DARS2: variants seen among roughly 807,000 people sequenced by gnomAD.
DARS2 encodes the protein aspartyl-tRNA synthetase 2, mitochondrial.
A neutral mutation model predicts 83.0 loss-of-function variants in DARS2; 63 were observed. That is an observed-to-expected ratio of 0.76 (90% CI 0.62 to 0.94). The LOEUF is 0.94. Among genes scored for constraint, DARS2 ranks in the 40% least tolerant of loss-of-function variants. DARS2 has a pLI of 0.00. For synonymous variants in DARS2, 250 were observed against 269.3 expected (o/e 0.93, Z 0.70); for missense variants, 675 against 774.4 (o/e 0.87, Z 1.52).
At chr1:173,856,323 C>T (rs1653859860) in intron 15 of DARS2, among the ~76,000 whole-genome samples, 1 of 152,150 alleles carries the variant, frequency 6.6e-6, no homozygotes, top group East Asian at 1.9e-4. Context: ...TGCTCTCTTC[C>T]CTTGGTCTCT....
intron 6 of DARS2, 97 bp downstream of exon 6, chr1:173,833,596 A>G: frequency 6.8e-7 from 1 of 1,478,760 alleles, no homozygotes; most frequent in South Asian, 1.1e-5. Flanking sequence ...TGAGGTCAAG[A>G]TGTTGCCAGA....
chr1:173,846,638 G>GA (rs1653447544), intron 12 of DARS2, among the ~76,000 whole-genome samples: 1 of 149,164 alleles, frequency 6.7e-6, no homozygotes, highest in South Asian at 2.1e-4. Context: ...ACAAAAAACA[G>GA]AAAAAAAATT....
rs572043394 is a variant in DARS2, at chr1:173,841,303, G to A, written c.1128+330G>A. On this transcript the variant is annotated intron_variant, in intron 11 of 16. Coordinates refer to ENST00000649689, the MANE Select transcript of DARS2 (RefSeq NM_018122.5). ...GGGGCAGGAGAATCGCTTGAACCTG[G>A]GAGGCAGAGGTTGCAGTGAGCTGAG... Among the ~76,000 whole-genome samples the A allele has an allele frequency of 2.0e-5, 3 of 151,988 alleles. No homozygotes were observed. In the South Asian group the frequency reaches 6.2e-4, roughly 32 times the overall value.
intron 11 of DARS2, among the ~76,000 whole-genome samples, chr1:173,842,089 C>G (rs1183558995): frequency 5.9e-5 from 9 of 152,028 alleles, no homozygotes. Context: ...TTGGGCTGAG[C>G]AAGTGCTGAC....
Position 173,858,093 on chromosome 1 carries a change from C to G in DARS2, c.*388C>G, listed in dbSNP as rs1257410846. On this transcript the variant is annotated 3_prime_UTR_variant, in exon 17 of 17. Coordinates refer to ENST00000649689, the MANE Select transcript of DARS2 (RefSeq NM_018122.5). ...GTAGGAAAATGCTTGCCCCTGTAAACTAGTGAGTTGATGGAGCATTTGCTT... is the reference window on the plus strand; with the variant it reads ...GTAGGAAAATGCTTGCCCCTGTAAAGTAGTGAGTTGATGGAGCATTTGCTT... The G allele has an allele frequency of 7.7e-6, 2 of 260,862 alleles. No individual in the cohort carries two copies. Among genetic ancestry groups the G allele is most frequent in the Admixed American group, 9.9e-5 (2 of 20,260 alleles). The allele number at this position is 260,862 out of a possible 1,614,324, so 16.2% of individuals were successfully genotyped here.
At chr1:173,847,297 C>G (rs994560615) in intron 12 of DARS2, among the ~76,000 whole-genome samples, 1 of 151,908 alleles carries the variant, frequency 6.6e-6, no homozygotes, top group Non-Finnish European at 1.5e-5. Context: ...AATTGGCAAC[C>G]CTTTATCTTC....
intron 1 of DARS2, among the ~76,000 whole-genome samples, chr1:173,825,757 C>T (rs895229542): frequency 9.9e-5 from 15 of 151,338 alleles, no homozygotes; most frequent in African/African-American, 3.6e-4. Flanking sequence ...GCGTGAGCCA[C>T]CGCGCCCGGC....
chr1:173,830,711 G>T lies in DARS2; in HGVS notation c.346G>T (p.Val116Leu), dbSNP rs1024515393. 6.2e-6 allele frequency: 10 copies of T among 1,614,074 alleles called. No individual in the cohort carries two copies. The highest frequency in any genetic ancestry group is 5.5e-5 in the South Asian group (5 of 91,084). Residue 116 changes from valine to leucine, a missense_variant, in exon 4 of 17, where the codon GTG (valine) becomes TTG (leucine). Physicochemically the swap from Val to Leu is conservative, Grantham distance 32. Coordinates refer to ENST00000649689, the MANE Select transcript of DARS2 (RefSeq NM_018122.5). ...ILCEAPVESV[V>L]QVSGTVISRP... ...ATGTGAAGCCCCTGTGGAATCTGTGGTGCAAGTGTCTGGTACAGTCATTTC... is the reference window on the plus strand; with the variant it reads ...ATGTGAAGCCCCTGTGGAATCTGTGTTGCAAGTGTCTGGTACAGTCATTTC...
At chr1:173,843,235 A>T (rs1653297318) in intron 11 of DARS2, among the ~76,000 whole-genome samples, 1 of 152,020 alleles carries the variant, frequency 6.6e-6, no homozygotes, top group Non-Finnish European at 1.5e-5. Context: ...TACAAAGAAA[A>T]TTTTTTCTTA....
chr1:173,824,861 A>C lies in DARS2; in HGVS notation c.-369A>C, dbSNP rs1196580896. On this transcript the variant is annotated 5_prime_UTR_variant, in exon 1 of 17. Coordinates refer to ENST00000649689, the MANE Select transcript of DARS2 (RefSeq NM_018122.5). ...GCCTCTCGAGAAGCGTGGAAAGAGGAGAAGGGCGTATACCTTGTGACCGCC... is the reference window on the plus strand; with the variant it reads ...GCCTCTCGAGAAGCGTGGAAAGAGGCGAAGGGCGTATACCTTGTGACCGCC... 3.9e-6 allele frequency: 1 copy of C among 254,348 alleles called. No individual in the cohort carries two copies. The highest frequency in any genetic ancestry group is 2.3e-5 in the African/African-American group (1 of 44,420). 15.8% of individuals were successfully genotyped at this position (254,348 alleles called of 1,614,324 possible).
intron 16 of DARS2, 85 bp from the exon 17 acceptor site, chr1:173,857,433 T>C: frequency 7.1e-7 from 1 of 1,406,366 alleles, no homozygotes; most frequent in Non-Finnish European, 1.0e-6. Flanking sequence ...TATTTAAAAG[T>C]TTTCTACAAC....
In DARS2 at chr1:173,845,214, T is replaced by C; in HGVS notation, c.1129-15T>C. On this transcript the variant is annotated splice_polypyrimidine_tract_variant and intron_variant, in intron 11 of 16. Transcript: ENST00000649689. ...TGTCATACTGACAAGTTTACTTTGA[T>C]TTTTCTTTCATCAGAAATACTTAAA... is the stretch of plus-strand genomic sequence containing the variant. 6.5e-7 allele frequency: 1 copy of C among 1,547,568 alleles called. No homozygotes were observed. Among genetic ancestry groups the C allele is most frequent in the Non-Finnish European group, 8.9e-7 (1 of 1,119,784 alleles).
Position 173,838,212 on chromosome 1 carries a change from T to C in DARS2, c.793T>C (p.Tyr265His), listed in dbSNP as rs1653077967. The C allele has an allele frequency of 1.7e-5, 28 of 1,613,700 alleles. No homozygotes were observed. The highest frequency in any genetic ancestry group is 2.2e-5 in the Non-Finnish European group (26 of 1,179,572). The change falls in exon 9 of 17, where the codon TAT becomes CAT. Residue 265 changes from tyrosine to histidine, a missense_variant. Coordinates refer to ENST00000649689, the MANE Select transcript of DARS2 (RefSeq NM_018122.5). ...LDRYFQVARC[Y>H]RDEGSRPDRQ... ...TAGATATTTTCAGGTTGCCCGATGT[T>C]ATCGAGATGAAGGTTCAAGACCAGA...
intron 11 of DARS2, among the ~76,000 whole-genome samples, chr1:173,841,407 GAATCTAAAGTATTTCTAA>G (rs1418198280): frequency 1.5e-4 from 23 of 151,728 alleles, no homozygotes; most frequent in African/African-American, 5.1e-4. Context: ...TTTTTATACA[GAATCTAAAGTATTTCTAA>G]AACCATAAGT....
intron 12 of DARS2, among the ~76,000 whole-genome samples, chr1:173,847,215 C>A (rs2102655929): frequency 6.6e-6 from 1 of 152,254 alleles, no homozygotes; most frequent in African/African-American, 2.4e-5. Context: ...ATTTAAAGAA[C>A]TATCCTTTTT....
chr1:173,828,215 TAAA>T (rs1169283969), intron 2 of DARS2, 115 bp from the exon 3 acceptor site: 3 of 1,011,336 alleles, frequency 3.0e-6, no homozygotes, highest in African/African-American at 1.7e-5. Flanking sequence ...ATAATTATCA[TAAA>T]AAAGAAACAT....
intron 3 of DARS2, among the ~76,000 whole-genome samples, chr1:173,829,204 AGTGTGTGT>A (rs10653648): frequency 6.7e-6 from 1 of 148,342 alleles, no homozygotes; most frequent in African/African-American, 2.5e-5. Context: ...ATATACATTC[AGTGTGTGT>A]GTGTGTGTGT....
intron 7 of DARS2, 120 bp from the exon 8 acceptor site, chr1:173,836,820 C>A: frequency 2.4e-6 from 2 of 840,326 alleles, no homozygotes; most frequent in Non-Finnish European, 4.0e-6. Context: ...ATTGTAGGAA[C>A]TTTGTTCTTT....
At chr1:173,830,395 A>G (rs1246773253) in intron 3 of DARS2, among the ~76,000 whole-genome samples, 2 of 152,164 alleles carry the variant, frequency 1.3e-5, no homozygotes, top group African/African-American at 4.8e-5. Context: ...GTTTGCACTA[A>G]TAATAGTCAT....
Sources: allele counts gnomAD v4.1 joint callset (sites outside exome capture counted in the v4.1 genomes callset), GRCh38; gene constraint gnomAD v4.1.1; transcripts MANE v1.5; gene names NCBI Gene and HGNC (gene_info 2026-07-23, HGNC 2026-07-21).